DDX10: variants seen among roughly 807,000 people sequenced by gnomAD.
The protein encoded by DDX10 is probable ATP-dependent RNA helicase DDX10.
A neutral mutation model predicts 104.3 loss-of-function variants in DDX10; 74 were observed. The ratio of observed to expected loss-of-function variants is 0.71; its 90% CI spans 0.59 to 0.86. DDX10 has a LOEUF of 0.86. Among genes scored for constraint, DDX10 ranks in the 40% least tolerant of loss-of-function variants. The probability of loss-of-function intolerance (pLI) is 0.00; values close to 1 mark genes in which losing one functional copy is unlikely to be tolerated. For missense variants in DDX10, 952 were observed against 1,040.0 expected, an observed-to-expected ratio of 0.92 and a Z score of 1.16; for synonymous variants, 351 against 353.4, an observed-to-expected ratio of 0.99 and a Z score of 0.08.
chr11:108,758,714 C>A (rs2134512982), intron 13 of DDX10, among the ~76,000 whole-genome samples: 1 of 152,150 alleles, frequency 6.6e-6, no homozygotes, highest in Admixed American at 6.6e-5. Context: ...ACTCTGATCT[C>A]CCCTTCTGCC....
At chr11:108,783,054 G>A (rs1372155637) in intron 13 of DDX10, among the ~76,000 whole-genome samples, 1 of 151,952 alleles carries the variant, frequency 6.6e-6, no homozygotes, top group East Asian at 1.9e-4. Flanking sequence ...ATTATTCATC[G>A]CCTCTTTGAA....
chr11:108,755,913 G>A (rs2094343881), intron 13 of DDX10, among the ~76,000 whole-genome samples: 1 of 151,758 alleles, frequency 6.6e-6, no homozygotes, highest in Admixed American at 6.6e-5. Flanking sequence ...TTAAATATTA[G>A]GTGTTATAAC....
intron 10 of DDX10, among the ~76,000 whole-genome samples, chr11:108,711,660 T>G (rs927432613): frequency 7.2e-5 from 11 of 152,254 alleles, no homozygotes; most frequent in Admixed American, 4.6e-4. Flanking sequence ...AATTCCATTG[T>G]GGTCTGAAAG....
chr11:108,937,277 T>C (rs1432911519), intron 17 of DDX10, among the ~76,000 whole-genome samples: 1 of 152,192 alleles, frequency 6.6e-6, no homozygotes, highest in African/African-American at 2.4e-5. Flanking sequence ...GGCTCTTTTG[T>C]TTCTCGTGAA....
At chr11:108,910,447 G>A (rs1429330604) in intron 16 of DDX10, among the ~76,000 whole-genome samples, 1 of 152,190 alleles carries the variant, frequency 6.6e-6, no homozygotes, top group Non-Finnish European at 1.5e-5. Flanking sequence ...GTAGGAGAAT[G>A]CCACATCTTA....
In DDX10 at chr11:108,822,518, C is replaced by T. The variant is rs146920917; in HGVS notation, c.1966-15928C>T. ...TTGGTGTCTGTGTAAGAGTATCCAA[C>T]GGCCTCACCTGTCTCCTGCCTGGAG... On this transcript the variant is annotated intron_variant, in intron 13 of 17. Transcript: ENST00000322536. 404 of 226,262 alleles carry T rather than the reference C, an allele frequency of 1.8e-3. 1 individual carries two copies. The highest frequency in any genetic ancestry group is 8.9e-3 in the African/African-American group (383 of 42,960). The allele number at this position is 226,262 out of a possible 1,614,324, so 14.0% of individuals were successfully genotyped here.
intron 9 of DDX10, among the ~76,000 whole-genome samples, chr11:108,703,614 C>T (rs1456536817): frequency 6.6e-6 from 1 of 152,168 alleles, no homozygotes; most frequent in African/African-American, 2.4e-5. Flanking sequence ...AGGCCTGAGC[C>T]ACCGCGCTTG....
At chr11:108,785,489 T>C (rs1417661655) in intron 13 of DDX10, among the ~76,000 whole-genome samples, 1 of 152,198 alleles carries the variant, frequency 6.6e-6, no homozygotes, top group Non-Finnish European at 1.5e-5. Context: ...CCCTTCCTCC[T>C]TGATTTTCTT....
In DDX10 at chr11:108,810,139, A is replaced by G. The variant is rs539090219; in HGVS notation, c.1966-28307A>G. On this transcript the variant is annotated intron_variant, in intron 13 of 17. Coordinates refer to ENST00000322536, the MANE Select transcript of DDX10 (RefSeq NM_004398.4). ...ATCTGAATAGATGGACAATTTCACT[A>G]CAAGTATAATATAATAAGTGTTCAA... Among the ~76,000 whole-genome samples, 3 of 152,298 alleles carry G rather than the reference A, an allele frequency of 2.0e-5. No homozygotes were observed. The East Asian group carries it at 5.8e-4, about 29-fold the overall frequency.
At chr11:108,768,046 CT>C (rs2094358319) in intron 13 of DDX10, 1 of 152,168 alleles carries the variant, frequency 6.6e-6, no homozygotes, top group East Asian at 1.9e-4. Context: ...ATAACATTTT[CT>C]TTTCTCTAGC....
Position 108,678,352 on chromosome 11 carries a change from A to G in DDX10, c.575A>G (p.Asn192Ser). ...KHEAERINNI[N>S]ILVCTPGRLL... Reference sequence around the variant, plus strand: ...GAAGCTGAGAGGATCAACAACATAAATATACTCGTGTGCACACCAGGTCGG... The same window carrying G: ...GAAGCTGAGAGGATCAACAACATAAGTATACTCGTGTGCACACCAGGTCGG... Residue 192 changes from asparagine (N) to serine (S), a missense_variant, in exon 5 of 18, where the codon AAT becomes AGT. Asn to Ser is a conservative substitution (Grantham distance 46, BLOSUM62 1). This residue lies in a region of DDX10 where 412 missense variants were observed against 479.2 expected (regional missense o/e 0.86). Transcript: ENST00000322536. The G allele has an allele frequency of 1.2e-6, 2 of 1,613,180 alleles. No individual in the cohort carries two copies. Among genetic ancestry groups the G allele is most frequent in the Non-Finnish European group, 1.7e-6 (2 of 1,179,718 alleles).
At chr11:108,862,032 T>C (rs994009272) in intron 16 of DDX10, among the ~76,000 whole-genome samples, 1 of 152,094 alleles carries the variant, frequency 6.6e-6, no homozygotes, top group Non-Finnish European at 1.5e-5. Flanking sequence ...CTTTCATCAA[T>C]CTAATCAACA....
intron 13 of DDX10, among the ~76,000 whole-genome samples, chr11:108,827,954 A>G (rs1022126730): frequency 6.6e-6 from 1 of 152,156 alleles, no homozygotes; most frequent in African/African-American, 2.4e-5. Flanking sequence ...TATTTTAACC[A>G]TTTTAAAATG....
chr11:108,916,665 T>C (rs571490979), intron 16 of DDX10, among the ~76,000 whole-genome samples: 2 of 152,308 alleles, frequency 1.3e-5, no homozygotes, highest in Admixed American at 6.5e-5. Flanking sequence ...AGATGGTAAC[T>C]GAAAGAAACT....
At chr11:108,860,095 A>G (rs889264247) in intron 16 of DDX10, among the ~76,000 whole-genome samples, 6 of 152,136 alleles carry the variant, frequency 3.9e-5, no homozygotes, top group Non-Finnish European at 5.9e-5. Context: ...AGGGCTAGAG[A>G]ACTATTATAA....
Position 108,797,989 on chromosome 11 carries a change from C to T in DDX10, c.1966-40457C>T, listed in dbSNP as rs545495361. Among the ~76,000 whole-genome samples the T allele has an allele frequency of 6.6e-5, 10 of 152,272 alleles. No individual in the cohort carries two copies. The East Asian group carries it at 1.7e-3, about 26-fold the overall frequency. On this transcript the variant is annotated intron_variant, in intron 13 of 17. Coordinates refer to ENST00000322536, the MANE Select transcript of DDX10 (RefSeq NM_004398.4). ...ATGGTAGAAACCGCAGTCTCCTCTT[C>T]GAACTCAAACTTTTAATTCTCTTGT... is the stretch of plus-strand genomic sequence containing the variant.
At chr11:108,762,302 G>C (rs1812636286) in intron 13 of DDX10, among the ~76,000 whole-genome samples, 1 of 152,154 alleles carries the variant, frequency 6.6e-6, no homozygotes, top group Non-Finnish European at 1.5e-5. Flanking sequence ...ATTCCTCTTG[G>C]AGTTACTTTC....
intron 13 of DDX10, among the ~76,000 whole-genome samples, chr11:108,793,798 C>G (rs1861903015): frequency 6.6e-6 from 1 of 151,986 alleles, no homozygotes; most frequent in African/African-American, 2.4e-5. Context: ...ATTAACCAAC[C>G]TCTCTTTATC....
intron 16 of DDX10, among the ~76,000 whole-genome samples, chr11:108,880,233 GT>G (rs1379876362): frequency 6.6e-6 from 1 of 152,174 alleles, no homozygotes; most frequent in Non-Finnish European, 1.5e-5. Context: ...TGCTTGTGCA[GT>G]GGGGGGTGTA....
Sources: allele counts gnomAD v4.1 joint callset (sites outside exome capture counted in the v4.1 genomes callset), GRCh38; gene constraint gnomAD v4.1.1; regional missense constraint gnomAD v4.1.1; transcripts MANE v1.5; gene names NCBI Gene and HGNC (gene_info 2026-07-23, HGNC 2026-07-21).